Variants in SETD1B observed in about 807,000 individuals in gnomAD.
The protein encoded by SETD1B is SET domain containing 1B, histone lysine methyltransferase, also known as histone-lysine N-methyltransferase SETD1B.
SETD1B carries 7 observed loss-of-function variants against 148.0 expected under a neutral mutation model. That is an observed-to-expected ratio of 0.05 (90% CI 0.03 to 0.09). The LOEUF (loss-of-function observed/expected upper bound fraction) is 0.09, where lower values mean the gene tolerates loss of function less well. SETD1B is among the 10% of genes least tolerant of loss of function. SETD1B has a pLI of 1.00. For synonymous variants in SETD1B, 1,361 were observed against 1,186.5 expected (o/e 1.15, Z -3.02); for missense variants, 2,155 against 2,729.9 (o/e 0.79, Z 4.69).
Position 121,825,297 on chromosome 12 carries a change from CAAG to C in SETD1B, c.5272_5274del (p.Lys1758del). ...GCAGTGAGGGCTTCTACACCATCGA[CAAG>C]AAGGACAAGCTCAGATACCTCAACA... is the stretch of plus-strand genomic sequence containing the variant. On this transcript the variant is annotated inframe_deletion, in exon 13 of 17. Transcript: ENST00000604567. 1 of 1,551,898 alleles carries C rather than the reference CAAG, an allele frequency of 6.4e-7. No individual in the cohort carries two copies. The highest frequency in any genetic ancestry group is 8.7e-7 in the Non-Finnish European group (1 of 1,147,088).
Position 121,808,991 on chromosome 12 carries a change from TC to T in SETD1B, c.658-610del, listed in dbSNP as rs1234131694. On this transcript the variant is annotated intron_variant, in intron 5 of 16. Transcript: ENST00000604567. This position sits in a 1 kb window ranked among gnomAD's most constrained non-coding sequence, Gnocchi z 5.3. ...CTCAAGTGATTCTCTTGCCTCAGCC[TC>T]CTGAGTAGCTGGGATTACAGGCACA... is the stretch of plus-strand genomic sequence containing the variant. Among the ~76,000 whole-genome samples, 1 of 152,164 alleles carries T rather than the reference TC, an allele frequency of 6.6e-6. No homozygotes were observed. The highest frequency in any genetic ancestry group is 1.9e-4 in the East Asian group (1 of 5,202).
intron 13 of SETD1B, among the ~76,000 whole-genome samples, chr12:121,826,655 G>C (rs1382361196): frequency 1.3e-5 from 2 of 152,152 alleles, no homozygotes; most frequent in Non-Finnish European, 2.9e-5. Flanking sequence ...AGCTGGGGTG[G>C]TGTGGAGCTG....
At chr12:121,820,640 TCTC>T (rs1291355178) in intron 11 of SETD1B, among the ~76,000 whole-genome samples, 3 of 152,148 alleles carry the variant, frequency 2.0e-5, no homozygotes, top group Admixed American at 1.3e-4. Context: ...TTCACGCCAT[TCTC>T]CTGCCTCAGC....
chr12:121,826,776 T>G (rs1876861691), intron 13 of SETD1B, among the ~76,000 whole-genome samples: 1 of 146,568 alleles, frequency 6.8e-6, no homozygotes, highest in East Asian at 2.0e-4. Flanking sequence ...TATGAGGAAG[T>G]GGGATGGACA....
At chr12:121,799,745 G>GC (rs1875231415), upstream of SETD1B, 1 of 137,412 alleles carries the variant, frequency 7.3e-6, no homozygotes, top group Non-Finnish European at 1.6e-5. Flanking sequence ...GTGGGGCGGG[G>GC]CCGCAGAACC....
intron 10 of SETD1B, among the ~76,000 whole-genome samples, chr12:121,818,373 G>A (rs1658206964): frequency 1.3e-5 from 2 of 151,750 alleles, no homozygotes; most frequent in Non-Finnish European, 2.9e-5. Flanking sequence ...GACCAGCCTG[G>A]CCAACATGGT....
At chr12:121,793,462 C>A in the SETD1B span, 1,258,442 of 1,537,316 alleles carry the variant, frequency 0.82, 517,691 homozygotes, top group East Asian at 0.99. Flanking sequence ...AGGGGCGTCC[C>A]TCGCCCCCAC....
At chr12:121,793,391 C>A in the SETD1B span, 1 of 1,476,398 alleles carries the variant, frequency 6.8e-7, no homozygotes, top group Non-Finnish European at 9.1e-7. Flanking sequence ...CCCGGGGTGG[C>A]GGCCGCCTGT....
At chr12:121,821,527 A>G (rs1419922905) in intron 11 of SETD1B, among the ~76,000 whole-genome samples, 1 of 152,096 alleles carries the variant, frequency 6.6e-6, no homozygotes, top group Non-Finnish European at 1.5e-5. Flanking sequence ...AGGTAGGCAG[A>G]TCAACTGAGG....
At position 121,809,874 on chromosome 12, in the gene SETD1B, C is replaced by T. The variant is rs1875931435; in HGVS notation, c.929C>T (p.Ala310Val). 6.4e-7 allele frequency: 1 copy of T among 1,551,112 alleles called. No homozygotes were observed. Among genetic ancestry groups the T allele is most frequent in the African/African-American group, 1.4e-5 (1 of 73,056 alleles). Residue 310 changes from alanine (A) to valine (V), a missense_variant, in exon 6 of 17, where the codon GCC becomes GTC. Ala to Val is a moderately conservative substitution (Grantham distance 64). This residue lies in a region of SETD1B where 376 missense variants were observed against 385.0 expected (regional missense o/e 0.98). Transcript: ENST00000604567. ...FSQDPAVTFK[A>V]RRHESKFTDA... ...CAGGACCCTGCAGTGACCTTCAAGG[C>T]CCGGCGCCACGAGAGCAAGTTCACG...
At position 121,809,980 on chromosome 12, in the gene SETD1B, T is replaced by C. The variant is rs770999141; in HGVS notation, c.1035T>C (p.Ala345=). The change falls in exon 6 of 17, where the codon GCT becomes GCC. Residue 345 remains alanine (A), a synonymous_variant. Transcript: ENST00000604567. ...CTGCGGTGGCCGGGGCCACAGCCGCTTTCCGGGGTTCCTCGGACCTCCCGT... is the reference window on the plus strand; with the variant it reads ...CTGCGGTGGCCGGGGCCACAGCCGCCTTCCGGGGTTCCTCGGACCTCCCGT... ...AVTAVAGATA[A]FRGSSDLPFG... is the part of the protein sequence containing the mutation. 6.4e-7 allele frequency: 1 copy of C among 1,550,874 alleles called. No homozygotes were observed. The highest frequency in any genetic ancestry group is 8.7e-7 in the Non-Finnish European group (1 of 1,146,960).
upstream of SETD1B, chr12:121,800,322 C>T (rs1566541229): frequency 6.6e-6 from 1 of 152,248 alleles, no homozygotes; most frequent in Non-Finnish European, 1.5e-5. Context: ...CGTCTGCGGC[C>T]ACCCCGAGGG....
Position 121,810,502 on chromosome 12 carries a change from G to A in SETD1B, c.1557G>A (p.Glu519=). 6.5e-7 allele frequency: 1 copy of A among 1,546,480 alleles called. No homozygotes were observed. Among genetic ancestry groups the A allele is most frequent in the Non-Finnish European group, 8.7e-7 (1 of 1,146,998 alleles). ...EQRTKLLFLR[E]PDSDTELQME... ...GCACCAAGCTGCTCTTCCTGAGGGA[G>A]CCGGACTCGGACACCGAGCTGCAGA... Residue 519 remains glutamate (E), a synonymous_variant, in exon 6 of 17, where the codon GAG becomes GAA. Coordinates refer to ENST00000604567, the MANE Select transcript of SETD1B (RefSeq NM_001353345.2). The surrounding 1 kb of genome is among the most constrained non-coding windows in gnomAD (Gnocchi z 7.6).
At chr12:121,797,358 G>GGCCCC in the SETD1B span, 1 of 432,224 alleles carries the variant, frequency 2.3e-6, no homozygotes, top group Non-Finnish European at 4.7e-6. Context: ...CGCCAGCAGC[G>GGCCCC]GCCCCGCCCC....
chr12:121,831,723 CCT>C lies in SETD1B; in HGVS notation c.*1486_*1487del, dbSNP rs1877104272. On this transcript the variant is annotated 3_prime_UTR_variant, in exon 17 of 17. Coordinates refer to ENST00000604567, the MANE Select transcript of SETD1B (RefSeq NM_001353345.2). ...GAAAGTGACTGTTGTGACCCGGAGT[CCT>C]CATCAAGATGAGCGCGCTCCATGAG... 6.6e-6 allele frequency: 1 copy of C among 152,240 alleles called. No homozygotes were observed. The highest frequency in any genetic ancestry group is 2.1e-4 in the South Asian group (1 of 4,832). The allele number at this position is 152,240 out of a possible 1,614,324, so 9.4% of individuals were successfully genotyped here.
In SETD1B at chr12:121,830,453, G is replaced by T; in HGVS notation, c.*214G>T. 1 of 498,026 alleles carries T rather than the reference G, an allele frequency of 2.0e-6. No homozygotes were observed. The highest frequency in any genetic ancestry group is 3.6e-6 in the Non-Finnish European group (1 of 279,466). 30.9% of individuals were successfully genotyped at this position (498,026 alleles called of 1,614,324 possible). ...AGGGCTTCTCTGTCGTTCAGCCCAC[G>T]TCTCTCTCATTTTAACAAACGCCCC... On this transcript the variant is annotated 3_prime_UTR_variant, in exon 17 of 17. Transcript: ENST00000604567. This position sits in a 1 kb window ranked among gnomAD's most constrained non-coding sequence, Gnocchi z 5.7.
In SETD1B at chr12:121,805,441, T is replaced by G. The variant is rs1805679377; in HGVS notation, c.273+225T>G. On this transcript the variant is annotated intron_variant, in intron 3 of 16. Coordinates refer to ENST00000604567, the MANE Select transcript of SETD1B (RefSeq NM_001353345.2). The surrounding 1 kb of genome is among the most constrained non-coding windows in gnomAD (Gnocchi z 4.2). ...TAATCACGGCGCAGATACAGTGTCC[T>G]GCACGCCCCGCGGGGGGCTCGGCTC... Among the ~76,000 whole-genome samples, 1 of 152,166 alleles carries G rather than the reference T, an allele frequency of 6.6e-6. No homozygotes were observed. The highest frequency in any genetic ancestry group is 1.5e-5 in the Non-Finnish European group (1 of 68,020).
At chr12:121,807,512 T>C (rs1242669784) in intron 4 of SETD1B, among the ~76,000 whole-genome samples, 1 of 148,474 alleles carries the variant, frequency 6.7e-6, no homozygotes, top group Non-Finnish European at 1.5e-5. Context: ...GACTGCCAAC[T>C]AAGTTTGTAT....
chr12:121,819,242 A>G (rs1876447493), intron 10 of SETD1B, among the ~76,000 whole-genome samples, 162 bp from the exon 11 acceptor site: 1 of 152,136 alleles, frequency 6.6e-6, no homozygotes, highest in Non-Finnish European at 1.5e-5. Context: ...AAAACTCAAA[A>G]AAAAGAAAAA....
Sources: allele counts gnomAD v4.1 joint callset (sites outside exome capture counted in the v4.1 genomes callset), GRCh38; gene constraint gnomAD v4.1.1; regional missense constraint gnomAD v4.1.1; non-coding constraint Gnocchi (gnomAD v3.1); transcripts MANE v1.5; gene names NCBI Gene and HGNC (gene_info 2026-07-23, HGNC 2026-07-21).